Variants in DACH1 observed in about 807,000 individuals in gnomAD.
DACH1 encodes dachshund family transcription factor 1.
DACH1 carries 12 observed loss-of-function variants against 54.2 expected under a neutral mutation model. The observed-to-expected ratio is 0.22, with a 90% CI of 0.14 to 0.36. The LOEUF (loss-of-function observed/expected upper bound fraction) is 0.36, where lower values mean the gene tolerates loss of function less well. Among genes scored for constraint, DACH1 ranks in the 10% least tolerant of loss-of-function variants. The pLI is 1.00. For synonymous variants in DACH1, 386 were observed against 366.2 expected (o/e 1.05, Z -0.62); for missense variants, 805 against 929.8 (o/e 0.87, Z 1.75).
chr13:71,538,837 A>T (rs1019659161), intron 6 of DACH1, among the ~76,000 whole-genome samples: 1 of 152,082 alleles, frequency 6.6e-6, no homozygotes. Flanking sequence ...TCAGGTTAAA[A>T]CATGTATTTG....
At chr13:71,489,421 C>T (rs1193537462) in intron 6 of DACH1, among the ~76,000 whole-genome samples, 1 of 152,044 alleles carries the variant, frequency 6.6e-6, no homozygotes. Flanking sequence ...CAAATATTAT[C>T]TCATATATAG....
intron 1 of DACH1, among the ~76,000 whole-genome samples, chr13:71,777,514 T>A (rs1886114113): frequency 6.6e-6 from 1 of 152,174 alleles, no homozygotes. Context: ...ACAAGAATTG[T>A]TCTGAACTGC....
rs1331453210 is a variant in DACH1, at chr13:71,475,144, G to A, written c.2080C>T (p.Gln694Ter). The A allele has an allele frequency of 1.2e-6, 2 of 1,613,578 alleles. No individual in the cohort carries two copies. The highest frequency in any genetic ancestry group is 1.7e-6 in the Non-Finnish European group (2 of 1,179,702). The change falls in exon 10 of 11, where the codon CAA (glutamine) becomes TAA (stop). Residue 694 changes from glutamine (Q) to a stop codon, truncating the protein, a stop_gained. Coordinates refer to ENST00000613252, the MANE Select transcript of DACH1 (RefSeq NM_080759.6). LOFTEE classifies it high-confidence loss of function. ...GGRTDAERTI[Q>*]DGRLYLKTTV... ...ATAGCCTTCTGCAAATTCCTACCTT[G>A]TATTGTCCTTTCAGCATCTGTTCTG...
chr13:71,728,873 T>C (rs1883604118), intron 1 of DACH1, among the ~76,000 whole-genome samples: 1 of 152,086 alleles, frequency 6.6e-6, no homozygotes, highest in Admixed American at 6.5e-5. Context: ...GCTTATTTTA[T>C]TTCTTCAATA....
In DACH1 at chr13:71,440,311, GA is replaced by G; in HGVS notation, c.*343del. The G allele has an allele frequency of 4.9e-6, 1 of 202,980 alleles. No individual in the cohort carries two copies. The highest frequency in any genetic ancestry group is 9.8e-6 in the Non-Finnish European group (1 of 102,202). 12.6% of individuals were successfully genotyped at this position (202,980 alleles called of 1,614,324 possible). A position where few individuals can be genotyped will look rare whatever the true frequency, so the allele number is the denominator to read the frequency against. ...CTCAGATACAGAATTTTCAGAAGAG[GA>G]AAATGGTTCATTCCATTAGAAAAAA... On this transcript the variant is annotated 3_prime_UTR_variant, in exon 11 of 11. Transcript: ENST00000613252.
chr13:71,558,750 C>T (rs1884410648), intron 5 of DACH1, among the ~76,000 whole-genome samples: 1 of 151,998 alleles, frequency 6.6e-6, no homozygotes, highest in African/African-American at 2.4e-5. Flanking sequence ...TTATGTTGAA[C>T]TATATAATTG....
intron 2 of DACH1, among the ~76,000 whole-genome samples, chr13:71,650,239 C>T (rs575069765): frequency 2.6e-4 from 39 of 152,282 alleles, no homozygotes; most frequent in African/African-American, 8.9e-4. Context: ...AAGAGCACAT[C>T]AGCAATGTTT....
At chr13:71,727,229 A>G (rs1805369970) in intron 1 of DACH1, among the ~76,000 whole-genome samples, 1 of 152,120 alleles carries the variant, frequency 6.6e-6, no homozygotes, top group African/African-American at 2.4e-5. Context: ...TGCATATTGC[A>G]TACAATTCAT....
At position 71,438,773 on chromosome 13, in the gene DACH1, A is replaced by T. The variant is rs1056289655; in HGVS notation, c.*1882T>A. 1 of 152,482 alleles carries T rather than the reference A, an allele frequency of 6.6e-6. No homozygotes were observed. The highest frequency in any genetic ancestry group is 1.5e-5 in the Non-Finnish European group (1 of 67,912). 9.4% of individuals were successfully genotyped at this position (152,482 alleles called of 1,614,324 possible). A position where few individuals can be genotyped will look rare whatever the true frequency, so the allele number is the denominator to read the frequency against. ...AGACTGCATATAGGGAAACAAACAC[A>T]TAGAACTAGGAAAAGAATCCCTTGT... On this transcript the variant is annotated 3_prime_UTR_variant, in exon 11 of 11. Transcript: ENST00000613252.
At chr13:71,638,965 C>T (rs1445559223) in intron 2 of DACH1, among the ~76,000 whole-genome samples, 1 of 152,110 alleles carries the variant, frequency 6.6e-6, no homozygotes, top group African/African-American at 2.4e-5. Context: ...GTGAAGTAAT[C>T]TTTCTGCTCC....
chr13:71,752,832 A>T (rs1394072650), intron 1 of DACH1, among the ~76,000 whole-genome samples: 3 of 152,156 alleles, frequency 2.0e-5, no homozygotes, highest in Non-Finnish European at 4.4e-5. Flanking sequence ...GAAGAAACTA[A>T]AGCTTTCTAC....
intron 1 of DACH1, among the ~76,000 whole-genome samples, chr13:71,859,419 A>C (rs999487120): frequency 3.3e-5 from 5 of 151,834 alleles, no homozygotes; most frequent in African/African-American, 1.2e-4. Context: ...GTGATGTGAC[A>C]TATATTTTTT....
chr13:71,732,654 C>T (rs1168539853), intron 1 of DACH1, among the ~76,000 whole-genome samples: 2 of 150,438 alleles, frequency 1.3e-5, no homozygotes, highest in Non-Finnish European at 3.0e-5. Flanking sequence ...AAATAATAGT[C>T]TGTAGGCCAA....
At chr13:71,810,905 G>T (rs1887682889) in intron 1 of DACH1, among the ~76,000 whole-genome samples, 1 of 152,040 alleles carries the variant, frequency 6.6e-6, no homozygotes, top group East Asian at 1.9e-4. Context: ...ACTGTAATCT[G>T]CAATGGCTCT....
intron 3 of DACH1, among the ~76,000 whole-genome samples, chr13:71,606,540 G>A (rs1219767219): frequency 6.6e-6 from 1 of 152,010 alleles, no homozygotes; most frequent in Non-Finnish European, 1.5e-5. Flanking sequence ...TAGAATGAGT[G>A]TTGAATTTAT....
intron 1 of DACH1, among the ~76,000 whole-genome samples, chr13:71,810,049 A>C (rs1394707369): frequency 2.0e-5 from 3 of 152,194 alleles, no homozygotes; most frequent in African/African-American, 7.2e-5. Context: ...CAACATACAA[A>C]AATGTAGAAA....
At chr13:71,726,636 A>G (rs1037779810) in intron 1 of DACH1, among the ~76,000 whole-genome samples, 4 of 152,058 alleles carry the variant, frequency 2.6e-5, no homozygotes, top group African/African-American at 9.6e-5. Context: ...GTTTAATTTT[A>G]GTATACAAGT....
intron 6 of DACH1, among the ~76,000 whole-genome samples, chr13:71,490,881 T>C (rs958032870): frequency 6.6e-6 from 1 of 152,206 alleles, no homozygotes; most frequent in African/African-American, 2.4e-5. Context: ...TGTGGCTTAA[T>C]AGATCATGGG....
At chr13:71,768,906 T>C (rs1885744062) in intron 1 of DACH1, among the ~76,000 whole-genome samples, 1 of 151,892 alleles carries the variant, frequency 6.6e-6, no homozygotes, top group South Asian at 2.1e-4. Context: ...TGGAGCTTTT[T>C]TTCTCTTAGT....
Sources: allele counts gnomAD v4.1 joint callset (sites outside exome capture counted in the v4.1 genomes callset), GRCh38; gene constraint gnomAD v4.1.1; transcripts MANE v1.5; gene names NCBI Gene and HGNC (gene_info 2026-07-23, HGNC 2026-07-21).